Variants in HS3ST4 observed in about 807,000 individuals in gnomAD.
HS3ST4 encodes the protein heparan sulfate-glucosamine 3-sulfotransferase 4.
A neutral mutation model predicts 29.2 loss-of-function variants in HS3ST4; 17 were observed. The ratio of observed to expected loss-of-function variants is 0.58; its 90% confidence interval spans 0.40 to 0.87. The LOEUF (loss-of-function observed/expected upper bound fraction) is 0.87. HS3ST4 is among the 40% of genes least tolerant of loss of function. The pLI is 0.00. For synonymous variants in HS3ST4, 314 were observed against 285.7 expected, an observed-to-expected ratio of 1.10 and a Z score of -1.00; for missense variants, 627 against 634.5, an observed-to-expected ratio of 0.99 and a Z score of 0.13.
chr16:26,026,761 T>A (rs1969479627), intron 1 of HS3ST4, among the ~76,000 whole-genome samples: 3 of 152,140 alleles, frequency 2.0e-5, no homozygotes, highest in Admixed American at 6.5e-5. Context: ...TCGTCATAAT[T>A]GTTTTGGACC....
intron 1 of HS3ST4, among the ~76,000 whole-genome samples, chr16:26,062,434 T>C (rs1308952900): frequency 6.6e-6 from 1 of 152,210 alleles, no homozygotes; most frequent in Admixed American, 6.5e-5. Flanking sequence ...ATTTCTGCCA[T>C]GATAACATAT....
intron 1 of HS3ST4, among the ~76,000 whole-genome samples, chr16:25,760,505 A>G (rs62034456): frequency 0.23 from 34,081 of 145,970 alleles, 4,394 homozygotes; most frequent in East Asian, 0.56. Flanking sequence ...TGCAACCTCC[A>G]CCTCCCTGAT....
chr16:25,771,035 C>T (rs1266419867), intron 1 of HS3ST4, among the ~76,000 whole-genome samples: 9 of 151,670 alleles, frequency 5.9e-5, no homozygotes, highest in Admixed American at 3.3e-4. Context: ...AGGTTTGTTA[C>T]GTAGGTATAC....
intron 1 of HS3ST4, among the ~76,000 whole-genome samples, chr16:26,002,066 T>C (rs1596640782): frequency 6.6e-6 from 1 of 152,004 alleles, no homozygotes; most frequent in South Asian, 2.1e-4. Context: ...ACATAGATAC[T>C]ATGAGGAGGA....
rs1420599676 is a variant in HS3ST4 at position 25,701,685 on chromosome 16, A to C, written c.734+8534A>C. Among the ~76,000 whole-genome samples the C allele has an allele frequency of 2.0e-5, 3 of 152,294 alleles. No individual in the cohort carries two copies. In the East Asian group the frequency reaches 5.8e-4, roughly 29 times the overall value. On this transcript the variant is annotated intron_variant, in intron 1 of 1. Transcript: ENST00000331351. The stretch of plus-strand genomic sequence containing the variant: ...TATTTAGTTATTCATTCATGTATTT[A>C]TTCATTAAACATGTATTATCAACCA...
intron 1 of HS3ST4, among the ~76,000 whole-genome samples, chr16:25,759,334 T>C (rs4787760): frequency 0.47 from 72,131 of 152,128 alleles, 18,345 homozygotes; most frequent in Non-Finnish European, 0.57. Context: ...TGTTGTCACA[T>C]AGTAGCTTCT....
chr16:25,912,994 A>T (rs938378205), intron 1 of HS3ST4, among the ~76,000 whole-genome samples: 1 of 151,890 alleles, frequency 6.6e-6, no homozygotes, highest in Non-Finnish European at 1.5e-5. Flanking sequence ...TGATTATTTG[A>T]TAGTAGATAA....
At chr16:25,851,625 G>A (rs558391895) in intron 1 of HS3ST4, among the ~76,000 whole-genome samples, 4 of 152,282 alleles carry the variant, frequency 2.6e-5, no homozygotes, top group African/African-American at 9.6e-5. Flanking sequence ...CTTTGGCAAA[G>A]CTGGTGCAGC....
chr16:25,940,964 G>C (rs1567277123), intron 1 of HS3ST4, among the ~76,000 whole-genome samples: 1 of 152,154 alleles, frequency 6.6e-6, no homozygotes. Flanking sequence ...TCCCAGGGCT[G>C]TTTGTCCTTG....
At chr16:25,769,693 T>G (rs758562543) in intron 1 of HS3ST4, among the ~76,000 whole-genome samples, 3 of 152,184 alleles carry the variant, frequency 2.0e-5, no homozygotes, top group Non-Finnish European at 4.4e-5. Context: ...TGTTAGTACT[T>G]GAAGTACAGG....
intron 1 of HS3ST4, among the ~76,000 whole-genome samples, chr16:26,050,632 C>T (rs922803271): frequency 2.0e-5 from 3 of 152,176 alleles, no homozygotes; most frequent in Non-Finnish European, 4.4e-5. Flanking sequence ...GTGATTCCTT[C>T]CGCACCACTC....
intron 1 of HS3ST4, among the ~76,000 whole-genome samples, chr16:25,859,560 T>C (rs1967617047): frequency 6.6e-6 from 1 of 152,246 alleles, no homozygotes; most frequent in Non-Finnish European, 1.5e-5. Flanking sequence ...ACATAGTCTG[T>C]GCTGAGAATA....
chr16:25,869,110 A>C (rs1018261526), intron 1 of HS3ST4, among the ~76,000 whole-genome samples: 1 of 152,118 alleles, frequency 6.6e-6, no homozygotes, highest in African/African-American at 2.4e-5. Context: ...ACCAGGAAGG[A>C]GCTCAATGAG....
chr16:26,068,428 G>C (rs778447710), intron 1 of HS3ST4, among the ~76,000 whole-genome samples: 13 of 152,186 alleles, frequency 8.5e-5, no homozygotes, highest in Non-Finnish European at 1.8e-4. Context: ...TAATATTCTA[G>C]CCTCATTTTA....
intron 1 of HS3ST4, among the ~76,000 whole-genome samples, chr16:25,882,582 G>A (rs899121150): frequency 2.2e-4 from 33 of 152,290 alleles, no homozygotes; most frequent in Non-Finnish European, 4.3e-4. Flanking sequence ...CTAGGGAGAA[G>A]TCAAACTGGT....
At chr16:26,032,458 A>G (rs1041562288) in intron 1 of HS3ST4, 1 of 954,062 alleles carries the variant, frequency 1.0e-6, no homozygotes, top group Admixed American at 1.9e-5. Context: ...AAAATTCCAC[A>G]TTTTTATAAA....
chr16:25,996,942 A>G lies in HS3ST4; in HGVS notation c.735-138670A>G, dbSNP rs1276857195. Among the ~76,000 whole-genome samples, 2 of 152,164 alleles carry G rather than the reference A, an allele frequency of 1.3e-5. 1 individual carries two copies. The highest frequency in any genetic ancestry group is 2.9e-5 in the Non-Finnish European group (2 of 68,000). On this transcript the variant is annotated intron_variant, in intron 1 of 1. Coordinates refer to ENST00000331351, the MANE Select transcript of HS3ST4 (RefSeq NM_006040.3). ...AACACAGTTTTATAGGTTTCTTTAT[A>G]TAAGTCCCATGTCTTTGTGGTTTAA... is the stretch of plus-strand genomic sequence containing the variant.
chr16:25,860,689 G>A (rs1967627568), intron 1 of HS3ST4, among the ~76,000 whole-genome samples: 1 of 152,180 alleles, frequency 6.6e-6, no homozygotes, highest in African/African-American at 2.4e-5. Flanking sequence ...ATAGTAAAAT[G>A]ATCAGTGGTG....
At chr16:25,964,249 T>C (rs1271520552) in intron 1 of HS3ST4, among the ~76,000 whole-genome samples, 1 of 151,624 alleles carries the variant, frequency 6.6e-6, no homozygotes, top group African/African-American at 2.4e-5. Flanking sequence ...GTGTGGGGGA[T>C]GCAGTTTGAA....
Sources: gnomAD v4.1 joint callset for allele counts (sites outside exome capture counted in the v4.1 genomes callset) on GRCh38, gnomAD v4.1.1 for gene constraint, MANE v1.5 for transcripts, NCBI Gene and HGNC (gene_info 2026-07-23, HGNC 2026-07-21) for gene names.